DZIP1: variants seen among roughly 807,000 people sequenced by gnomAD.
DZIP1 encodes the protein DAZ interacting zinc finger protein 1.
A neutral mutation model predicts 107.6 loss-of-function variants in DZIP1; 97 were observed. The observed-to-expected ratio is 0.90, with a 90% CI of 0.77 to 1.07. The LOEUF (loss-of-function observed/expected upper bound fraction) is 1.07. DZIP1 is among the 50% of genes least tolerant of loss of function. The pLI is 0.00. For synonymous variants in DZIP1, 390 were observed against 386.4 expected (o/e 1.01, Z -0.11); for missense variants, 1,035 against 1,063.6 (o/e 0.97, Z 0.37).
chr13:95,590,700 G>A (rs1194023316), intron 16 of DZIP1, among the ~76,000 whole-genome samples: 5 of 152,338 alleles, frequency 3.3e-5, no homozygotes, highest in East Asian at 1.9e-4. Flanking sequence ...GTCTACAAAG[G>A]CTAGAAGAAT....
At chr13:95,614,416 T>C (rs1874786809) in intron 10 of DZIP1, among the ~76,000 whole-genome samples, 1 of 152,144 alleles carries the variant, frequency 6.6e-6, no homozygotes, top group Admixed American at 6.5e-5. Context: ...CCAGTATAAA[T>C]GTCCAGGCTG....
intron 1 of DZIP1, 100 bp from the exon 2 acceptor site, chr13:95,643,798 C>A (rs1419780016): frequency 6.6e-6 from 1 of 152,430 alleles, no homozygotes; most frequent in Non-Finnish European, 1.5e-5. Context: ...AAGGAAACAT[C>A]AGCTCCTGGC....
At chr13:95,640,454 C>T (rs1201026435) in intron 5 of DZIP1, among the ~76,000 whole-genome samples, 1 of 152,146 alleles carries the variant, frequency 6.6e-6, no homozygotes, top group Non-Finnish European at 1.5e-5. Context: ...AAGCCATAGT[C>T]AGCCGAAAGG....
intron 12 of DZIP1, among the ~76,000 whole-genome samples, chr13:95,610,200 AG>A (rs1468565764): frequency 6.6e-6 from 1 of 152,002 alleles, no homozygotes; most frequent in East Asian, 1.9e-4. Flanking sequence ...CGCAGTCAGT[AG>A]GTTGTGCATA....
In DZIP1 at chr13:95,606,210, T is replaced by C. The variant is rs80078111; in HGVS notation, c.1421-151A>G. 3.3e-3 allele frequency: 2,048 copies of C among 624,656 alleles called. 33 individuals carry two copies. In the African/African-American group the frequency reaches 0.034, roughly 10 times the overall value. 38.7% of individuals were successfully genotyped at this position (624,656 alleles called of 1,614,324 possible). On this transcript the variant is annotated intron_variant, in intron 13 of 22. Coordinates refer to ENST00000376829, the MANE Select transcript of DZIP1 (RefSeq NM_198968.4). ...TCAAGTGACAAAGATATTACACAAC[T>C]AACATAAACTTATATTCATAACAGC...
At chr13:95,618,711 T>A (rs1875452698) in intron 10 of DZIP1, among the ~76,000 whole-genome samples, 2 of 152,246 alleles carry the variant, frequency 1.3e-5, no homozygotes, top group Admixed American at 1.3e-4. Context: ...ACACACTTCA[T>A]CCTTGCAATT....
intron 14 of DZIP1, among the ~76,000 whole-genome samples, chr13:95,603,857 C>T (rs1322501003): frequency 6.6e-6 from 1 of 152,178 alleles, no homozygotes; most frequent in Non-Finnish European, 1.5e-5. Flanking sequence ...ATCAGGGTTC[C>T]CATTTTACCT....
chr13:95,627,976 T>C (rs561168978), intron 7 of DZIP1, among the ~76,000 whole-genome samples: 9 of 152,100 alleles, frequency 5.9e-5, no homozygotes, highest in Non-Finnish European at 1.0e-4. Flanking sequence ...TACTGATACA[T>C]GTTACAACTT....
intron 18 of DZIP1, among the ~76,000 whole-genome samples, 153 bp downstream of exon 18, chr13:95,589,650 C>T (rs1266179441): frequency 1.3e-5 from 2 of 152,230 alleles, no homozygotes; most frequent in Non-Finnish European, 2.9e-5. Context: ...TCACCGGAAC[C>T]TGACTATACT....
At chr13:95,611,911 C>A in intron 11 of DZIP1, 126 bp downstream of exon 11, 1 of 1,242,380 alleles carries the variant, frequency 8.0e-7, no homozygotes, top group Non-Finnish European at 1.1e-6. Flanking sequence ...CAAGCAATCA[C>A]AAGGGGAAAA....
chr13:95,605,196 T>TA (rs1200491752), intron 14 of DZIP1, among the ~76,000 whole-genome samples: 6 of 152,194 alleles, frequency 3.9e-5, no homozygotes, highest in Non-Finnish European at 5.9e-5. Flanking sequence ...ACTGACCAGT[T>TA]AGATCATGGA....
chr13:95,621,994 T>C (rs1258911674), intron 9 of DZIP1, among the ~76,000 whole-genome samples: 1 of 152,202 alleles, frequency 6.6e-6, no homozygotes, highest in East Asian at 1.9e-4. Flanking sequence ...ATTTAAACTC[T>C]AAAATTAAAT....
chr13:95,599,250 G>A (rs934830884), intron 15 of DZIP1, 115 bp downstream of exon 15: 100 of 851,536 alleles, frequency 1.2e-4, no homozygotes, highest in Non-Finnish European at 2.9e-5. Flanking sequence ...AAATCTAAAT[G>A]TCTTTCCTAA....
At chr13:95,602,487 C>T (rs1233779453) in intron 14 of DZIP1, among the ~76,000 whole-genome samples, 2 of 152,192 alleles carry the variant, frequency 1.3e-5, no homozygotes, top group South Asian at 2.1e-4. Flanking sequence ...GGACAGGCTT[C>T]GTTTCTGATT....
intron 19 of DZIP1, among the ~76,000 whole-genome samples, chr13:95,588,292 C>T (rs1450559919): frequency 6.6e-6 from 1 of 152,156 alleles, no homozygotes; most frequent in African/African-American, 2.4e-5. Context: ...CACACCACAT[C>T]CCAAGAAATA....
At chr13:95,608,253 C>T (rs1410289960) in intron 13 of DZIP1, among the ~76,000 whole-genome samples, 1 of 151,958 alleles carries the variant, frequency 6.6e-6, no homozygotes, top group Non-Finnish European at 1.5e-5. Flanking sequence ...CCCAGAAATA[C>T]ACATATTTAT....
intron 9 of DZIP1, among the ~76,000 whole-genome samples, chr13:95,621,401 T>G (rs1875829639): frequency 6.6e-6 from 1 of 152,128 alleles, no homozygotes; most frequent in South Asian, 2.1e-4. Context: ...AGGGACATGG[T>G]CAGCCTGACT....
At chr13:95,618,629 T>A (rs193276913) in intron 10 of DZIP1, among the ~76,000 whole-genome samples, 2 of 152,334 alleles carry the variant, frequency 1.3e-5, no homozygotes, top group East Asian at 3.9e-4. Context: ...AGTTTCTTTT[T>A]CTCTCCCCGT....
Position 95,580,560 on chromosome 13 carries a change from AACTT to A in DZIP1, c.*1670_*1673del, listed in dbSNP as rs1368551933. 6.6e-6 allele frequency: 1 copy of A among 152,178 alleles called. No individual in the cohort carries two copies. The highest frequency in any genetic ancestry group is 6.5e-5 in the Admixed American group (1 of 15,276). 9.4% of individuals were successfully genotyped at this position (152,178 alleles called of 1,614,324 possible). On this transcript the variant is annotated 3_prime_UTR_variant, in exon 23 of 23. Coordinates refer to ENST00000376829, the MANE Select transcript of DZIP1 (RefSeq NM_198968.4). ...ACTTTGTACTTGTATGGCTTCTGGC[AACTT>A]ACTTAATAACTCTGTTTCTCACACC... is the stretch of plus-strand genomic sequence containing the variant.
Sources: gnomAD v4.1 joint callset for allele counts (sites outside exome capture counted in the v4.1 genomes callset) on GRCh38, gnomAD v4.1.1 for gene constraint, MANE v1.5 for transcripts, NCBI Gene and HGNC (gene_info 2026-07-23, HGNC 2026-07-21) for gene names.